The following TBC1D1 variants were observed in gnomAD, a reference collection of about 807,000 sequenced individuals.
TBC1D1 encodes the protein TBC1 (tre-2/USP6, BUB2, cdc16) domain family, member 1.
TBC1D1 carries 89 observed loss-of-function variants against 125.6 expected under a neutral mutation model. The ratio of observed to expected loss-of-function variants is 0.71; its 90% confidence interval spans 0.60 to 0.85. The LOEUF (loss-of-function observed/expected upper bound fraction) is 0.85. Ranked by LOEUF, TBC1D1 falls within the 40% of genes least tolerant of loss-of-function variation. The pLI is 0.00. For missense variants in TBC1D1, 1,377 were observed against 1,469.2 expected (o/e 0.94, Z 1.03); for synonymous variants, 565 against 564.1 (o/e 1.00, Z -0.02).
At chr4:38,105,048 C>A (rs1761067178) in intron 15 of TBC1D1, among the ~76,000 whole-genome samples, 1 of 152,174 alleles carries the variant, frequency 6.6e-6, no homozygotes, top group African/African-American at 2.4e-5. Context: ...AGCCACCACA[C>A]CCGGCCCCAC....
At chr4:38,101,661 T>C (rs1470111690) in intron 14 of TBC1D1, among the ~76,000 whole-genome samples, 3 of 152,336 alleles carry the variant, frequency 2.0e-5, no homozygotes, top group Non-Finnish European at 2.9e-5. Flanking sequence ...TTGCAGCTTA[T>C]CTTGCAGAAA....
At chr4:38,037,071 G>A (rs1747357072) in intron 8 of TBC1D1, among the ~76,000 whole-genome samples, 3 of 152,044 alleles carry the variant, frequency 2.0e-5, no homozygotes, top group Non-Finnish European at 2.9e-5. Flanking sequence ...TGTTCCAACA[G>A]GAAATTGATA....
At chr4:37,966,976 C>G (rs528514031) in intron 2 of TBC1D1, among the ~76,000 whole-genome samples, 2 of 152,136 alleles carry the variant, frequency 1.3e-5, no homozygotes, top group African/African-American at 2.4e-5. Flanking sequence ...GCTTGGTGGA[C>G]TTTTTGTAGG....
intron 2 of TBC1D1, chr4:37,960,683 A>G (rs905885361): frequency 1.2e-6 from 2 of 1,614,108 alleles, no homozygotes; most frequent in African/African-American, 2.7e-5. Context: ...CCAGAAAACA[A>G]AAACAGCCAA....
intron 15 of TBC1D1, chr4:38,110,541 G>T (rs972912972): frequency 1.0e-6 from 1 of 985,424 alleles, no homozygotes; most frequent in Non-Finnish European, 1.2e-6. Flanking sequence ...TGTTTGAATT[G>T]TGGATCATCT....
At chr4:38,131,127 A>G (rs1765514808) in intron 18 of TBC1D1, among the ~76,000 whole-genome samples, 1 of 152,138 alleles carries the variant, frequency 6.6e-6, no homozygotes, top group Non-Finnish European at 1.5e-5. Context: ...AGCAGAGATG[A>G]TTGTGACCCA....
chr4:38,135,170 G>T (rs1205058145), intron 19 of TBC1D1, among the ~76,000 whole-genome samples: 2 of 152,088 alleles, frequency 1.3e-5, no homozygotes, highest in Non-Finnish European at 2.9e-5. Flanking sequence ...CTTTTCTGGG[G>T]GGGCCAAAAT....
chr4:38,051,832 G>A (rs1234764437), intron 11 of TBC1D1, 67 bp from the exon 12 acceptor site: 2 of 1,481,862 alleles, frequency 1.3e-6, no homozygotes, highest in Admixed American at 4.2e-5. Flanking sequence ...CCACCTGTTT[G>A]CTCCGTGTCC....
At chr4:37,985,045 C>G (rs1333243149) in intron 2 of TBC1D1, among the ~76,000 whole-genome samples, 1 of 151,618 alleles carries the variant, frequency 6.6e-6, no homozygotes, top group Non-Finnish European at 1.5e-5. Flanking sequence ...CTCTGCCTGC[C>G]GGGTTCAAGC....
intron 10 of TBC1D1, among the ~76,000 whole-genome samples, chr4:38,049,389 A>C (rs190567397): frequency 1.1e-3 from 174 of 152,276 alleles, no homozygotes; most frequent in Admixed American, 3.7e-3. Context: ...TCACTCCTGC[A>C]CTTGGCCAGT....
intron 2 of TBC1D1, 115 bp downstream of exon 2, chr4:37,902,627 T>G: frequency 4.8e-6 from 4 of 828,232 alleles, no homozygotes; most frequent in African/African-American, 1.7e-5. Flanking sequence ...ATGCTGCAGT[T>G]ATAAATTGAT....
intron 18 of TBC1D1, among the ~76,000 whole-genome samples, chr4:38,130,224 G>A (rs1578861074): frequency 6.6e-6 from 1 of 152,154 alleles, no homozygotes; most frequent in South Asian, 2.1e-4. Flanking sequence ...ACAATGTTAA[G>A]TAAAGGAAAA....
chr4:38,135,916 GTGTGTATA>G (rs751797909), intron 19 of TBC1D1, among the ~76,000 whole-genome samples: 5 of 113,062 alleles, frequency 4.4e-5, no homozygotes, highest in Non-Finnish European at 9.1e-5. Context: ...ATATACGTGT[GTGTGTATA>G]TGTGTGTGTG....
Position 37,961,586 on chromosome 4 carries a change from G to A in TBC1D1, c.418-52923G>A, listed in dbSNP as rs551428371. 4.6e-5 allele frequency among the ~76,000 whole-genome samples: 7 copies of A among 152,312 alleles called. No individual in the cohort carries two copies. The South Asian group carries it at 1.5e-3, about 32-fold the overall frequency. Reference sequence around the variant, plus strand: ...ACAAAGCTTTGATAGAGTCACAGATGTCTGGTGTCAATCCAGATCACCTGA... The same window carrying A: ...ACAAAGCTTTGATAGAGTCACAGATATCTGGTGTCAATCCAGATCACCTGA... On this transcript the variant is annotated intron_variant, in intron 2 of 19. Transcript: ENST00000261439.
chr4:37,989,084 T>C (rs2152383984), intron 2 of TBC1D1, among the ~76,000 whole-genome samples: 1 of 152,330 alleles, frequency 6.6e-6, no homozygotes, highest in South Asian at 2.1e-4. Flanking sequence ...AAATCTACTT[T>C]CTCTAAAGAA....
At chr4:38,032,804 C>T (rs1043227966) in intron 7 of TBC1D1, among the ~76,000 whole-genome samples, 1 of 147,142 alleles carries the variant, frequency 6.8e-6, no homozygotes, top group African/African-American at 2.5e-5. Flanking sequence ...CACTGCACTC[C>T]AGCTCCAGCC....
intron 2 of TBC1D1, among the ~76,000 whole-genome samples, chr4:37,991,383 T>C (rs1043945473): frequency 3.3e-5 from 5 of 152,210 alleles, no homozygotes; most frequent in African/African-American, 7.2e-5. Context: ...TTTAAACCTC[T>C]CTAACAAGTT....
chr4:37,902,642 T>TATTTTAAGTATACTGAAATGAATA, intron 2 of TBC1D1, 130 bp downstream of exon 2: 2 of 761,394 alleles, frequency 2.6e-6, no homozygotes, highest in Non-Finnish European at 3.9e-6. Flanking sequence ...ATTGATTACT[T>TATTTTAAGTATACTGAAATGAATA]AGCTGAATTT....
chr4:38,096,363 G>A (rs537192833), intron 14 of TBC1D1, among the ~76,000 whole-genome samples: 43 of 152,310 alleles, frequency 2.8e-4, no homozygotes, highest in African/African-American at 8.9e-4. Context: ...ATGATTTGAT[G>A]ATATACTTTG....
Sources: allele counts gnomAD v4.1 joint callset (sites outside exome capture counted in the v4.1 genomes callset), GRCh38; gene constraint gnomAD v4.1.1; transcripts MANE v1.5; gene names NCBI Gene and HGNC (gene_info 2026-07-23, HGNC 2026-07-21).